The following SORBS2 variants were observed in gnomAD, a reference collection of about 807,000 sequenced individuals.
SORBS2 encodes sorbin and SH3 domain-containing protein 2.
Under a neutral mutation model 97.7 loss-of-function variants are expected in SORBS2, and 46 were observed. The observed-to-expected ratio is 0.47, with a 90% confidence interval of 0.37 to 0.60. The LOEUF is 0.60. Ranked by LOEUF, SORBS2 falls within the 20% of genes least tolerant of loss-of-function variation. The pLI, the probability that SORBS2 is intolerant of heterozygous loss-of-function variation, is 0.00. For synonymous variants in SORBS2, 476 were observed against 473.4 expected (o/e 1.01, Z -0.07); for missense variants, 1,316 against 1,282.3 (o/e 1.03, Z -0.40).
intron 2 of SORBS2, among the ~76,000 whole-genome samples, chr4:185,698,208 G>A (rs1056898663): frequency 6.6e-6 from 1 of 152,208 alleles, no homozygotes; most frequent in African/African-American, 2.4e-5. Flanking sequence ...AGGCGCAGTG[G>A]CTCACGCCTG....
chr4:185,872,322 G>A (rs956147852), intron 1 of SORBS2, among the ~76,000 whole-genome samples: 1 of 152,094 alleles, frequency 6.6e-6, no homozygotes, highest in African/African-American at 2.4e-5. Flanking sequence ...TCTAATCTGG[G>A]TCATTCCTCT....
At chr4:185,723,424 A>T (rs1394476082) in intron 2 of SORBS2, among the ~76,000 whole-genome samples, 1 of 152,230 alleles carries the variant, frequency 6.6e-6, no homozygotes, top group Non-Finnish European at 1.5e-5. Context: ...TAAGCAATGT[A>T]TTTAACAGAG....
At chr4:185,743,208 G>A (rs1176749842) in intron 2 of SORBS2, among the ~76,000 whole-genome samples, 1 of 152,100 alleles carries the variant, frequency 6.6e-6, no homozygotes, top group Admixed American at 6.6e-5. Flanking sequence ...GCATCCTAGT[G>A]AGGCAGGCTA....
At chr4:185,635,462 G>A in intron 4 of SORBS2, 51 bp from the exon 16 acceptor site, 1 of 1,357,014 alleles carries the variant, frequency 7.4e-7, no homozygotes, top group Non-Finnish European at 1.1e-6. Context: ...GAATGGAGGA[G>A]AGTCAATGGC....
intron 2 of SORBS2, among the ~76,000 whole-genome samples, chr4:185,762,492 C>CAA (rs57539074): frequency 8.2e-6 from 1 of 122,238 alleles, no homozygotes; most frequent in Non-Finnish European, 1.8e-5. Context: ...TAAGGTTGGG[C>CAA]AAAAAAAAAA....
chr4:185,838,959 C>T (rs1304673811), intron 1 of SORBS2, among the ~76,000 whole-genome samples: 1 of 152,170 alleles, frequency 6.6e-6, no homozygotes. Context: ...GTTTCTTTGT[C>T]CTTCCAGCAG....
chr4:185,785,268 A>T (rs2099050923), intron 1 of SORBS2, among the ~76,000 whole-genome samples: 1 of 152,096 alleles, frequency 6.6e-6, no homozygotes, highest in Non-Finnish European at 1.5e-5. Flanking sequence ...GTTTCTTAAA[A>T]TGGTGAATGC....
At chr4:185,765,332 G>C (rs1258543180) in intron 2 of SORBS2, among the ~76,000 whole-genome samples, 1 of 151,968 alleles carries the variant, frequency 6.6e-6, no homozygotes, top group African/African-American at 2.4e-5. Context: ...CACAGCTGAG[G>C]GTTAAACATA....
At chr4:185,893,509 T>C (rs1294381807) in intron 1 of SORBS2, among the ~76,000 whole-genome samples, 1 of 152,196 alleles carries the variant, frequency 6.6e-6, no homozygotes, top group African/African-American at 2.4e-5. Context: ...ATAGATAGCG[T>C]AGAGGTGAAG....
At chr4:185,750,549 T>C (rs1584092160) in intron 2 of SORBS2, among the ~76,000 whole-genome samples, 1 of 152,226 alleles carries the variant, frequency 6.6e-6, no homozygotes, top group East Asian at 1.9e-4. Context: ...AGTGGATCAA[T>C]TGCTGCTGTG....
intron 1 of SORBS2, among the ~76,000 whole-genome samples, chr4:185,892,312 T>C (rs2099242927): frequency 6.6e-6 from 1 of 152,176 alleles, no homozygotes; most frequent in African/African-American, 2.4e-5. Context: ...GCATCATGTA[T>C]CTTTAAGGGG....
At chr4:185,926,732 G>A (rs1276598901) in intron 1 of SORBS2, among the ~76,000 whole-genome samples, 2 of 152,058 alleles carry the variant, frequency 1.3e-5, no homozygotes, top group Non-Finnish European at 2.9e-5. Context: ...TAGGAAACAT[G>A]CGAGGTTAAT....
In SORBS2 at chr4:185,636,992, C is replaced by T. The variant is rs1435850798; in HGVS notation, c.397-6394G>A. On this transcript the variant is annotated intron_variant, in intron 4 of 14. Coordinates refer to ENST00000418609, the Ensembl canonical transcript of SORBS2. ...AAACAGGCTAAGCAATAAGGCCCAA[C>T]CTCTGGGCTTCCTCTGGCGGGAGTC... Among the ~76,000 whole-genome samples the T allele has an allele frequency of 6.6e-5, 10 of 152,320 alleles. No homozygotes were observed. In the South Asian group the frequency reaches 1.0e-3, roughly 16 times the overall value.
At chr4:185,641,956 A>T (rs1272636602) in intron 4 of SORBS2, among the ~76,000 whole-genome samples, 6 of 152,202 alleles carry the variant, frequency 3.9e-5, no homozygotes, top group African/African-American at 1.4e-4. Context: ...TTTTGTGGTT[A>T]TCGAGATTCC....
At chr4:185,888,092 G>T (rs1435818703) in intron 1 of SORBS2, among the ~76,000 whole-genome samples, 1 of 128,686 alleles carries the variant, frequency 7.8e-6, no homozygotes, top group Non-Finnish European at 1.7e-5. Context: ...TTGCTTTCTG[G>T]CATTCAATAT....
chr4:185,603,569 T>G (rs1239088605), intron 12 of SORBS2, among the ~76,000 whole-genome samples: 3 of 152,174 alleles, frequency 2.0e-5, no homozygotes, highest in African/African-American at 4.8e-5. Flanking sequence ...GAGCCCTAAA[T>G]TTTTACTTAT....
chr4:185,623,986 A>T lies in SORBS2; in HGVS notation c.1143T>A (p.Ile381=). Reference sequence around the variant, plus strand: ...GCTGCTGCTCGCTCTCGTACTGCAGAATCCTGGACTTCACGGAGCAGATCA... The same window carrying T: ...GCTGCTGCTCGCTCTCGTACTGCAGTATCCTGGACTTCACGGAGCAGATCA... The change falls in exon 7 of 15, where the codon ATT becomes ATA. Residue 381 remains isoleucine (I), a synonymous_variant. Transcript: ENST00000418609. This position sits in a 1 kb window ranked among gnomAD's most constrained non-coding sequence, Gnocchi z 6.4. 1 of 1,614,160 alleles carries T rather than the reference A, an allele frequency of 6.2e-7. No individual in the cohort carries two copies. Among genetic ancestry groups the T allele is most frequent in the Non-Finnish European group, 8.5e-7 (1 of 1,180,030 alleles).
At chr4:185,738,743 A>T (rs925501260) in intron 2 of SORBS2, among the ~76,000 whole-genome samples, 1 of 152,256 alleles carries the variant, frequency 6.6e-6, no homozygotes, top group African/African-American at 2.4e-5. Context: ...CAATTTTGTT[A>T]AATTAATTTT....
intron 12 of SORBS2, among the ~76,000 whole-genome samples, chr4:185,605,885 G>C (rs1432196694): frequency 2.0e-5 from 3 of 152,206 alleles, no homozygotes; most frequent in Non-Finnish European, 4.4e-5. Flanking sequence ...TTTTAAGAGA[G>C]AGGTTTGCAA....
Sources: gnomAD v4.1 joint callset for allele counts (sites outside exome capture counted in the v4.1 genomes callset) on GRCh38, gnomAD v4.1.1 for gene constraint, Gnocchi (gnomAD v3.1) non-coding constraint, MANE v1.5 for transcripts, NCBI Gene and HGNC (gene_info 2026-07-23, HGNC 2026-07-21) for gene names.